PHF6: variants seen among roughly 807,000 people sequenced by gnomAD.
The protein encoded by PHF6 is PHD finger protein 6.
A neutral mutation model predicts 34.0 loss-of-function variants in PHF6; 7 were observed. The observed-to-expected ratio is 0.21, with a 90% confidence interval of 0.12 to 0.39. The LOEUF (loss-of-function observed/expected upper bound fraction) is 0.39, where lower values mean the gene tolerates loss of function less well. Ranked by LOEUF, PHF6 falls within the 10% of genes least tolerant of loss-of-function variation. The pLI is 1.00. For missense variants in PHF6, 128 were observed against 262.8 expected, an observed-to-expected ratio of 0.49 and a Z score of 3.55; for synonymous variants, 89 against 88.4, an observed-to-expected ratio of 1.01 and a Z score of -0.04.
intron 3 of PHF6, among the ~76,000 whole-genome samples, chrX:134,381,172 T>C (rs1234986718): frequency 9.0e-6 from 1 of 111,281 alleles, no homozygotes; most frequent in African/African-American, 3.3e-5. Context: ...AGGGAAGAAC[T>C]TTTGCTCCGT....
intron 5 of PHF6, among the ~76,000 whole-genome samples, chrX:134,409,589 T>G (rs1352305656): frequency 1.8e-5 from 2 of 110,902 alleles, no homozygotes; most frequent in African/African-American, 6.6e-5. Context: ...ATAGTCTATC[T>G]CTCCATTTAG....
At chrX:134,389,189 T>G (rs1018285092) in intron 3 of PHF6, among the ~76,000 whole-genome samples, 1 of 111,299 alleles carries the variant, frequency 9.0e-6, no homozygotes, top group Non-Finnish European at 1.9e-5. Context: ...GAACTTGAAA[T>G]CAGGATACAA....
chrX:134,380,728 A>G (rs1243734080), intron 3 of PHF6, among the ~76,000 whole-genome samples: 1 of 112,287 alleles, frequency 8.9e-6, no homozygotes, highest in Non-Finnish European at 1.9e-5. Flanking sequence ...AAAAGGGGTT[A>G]GATAATGACA....
intron 5 of PHF6, among the ~76,000 whole-genome samples, chrX:134,408,175 G>A (rs1388111467): frequency 1.8e-5 from 2 of 111,996 alleles, no homozygotes; most frequent in Non-Finnish European, 3.8e-5. Context: ...CAATCCACCC[G>A]CCTTGGCCTC....
intron 3 of PHF6, among the ~76,000 whole-genome samples, chrX:134,391,749 A>G (rs1295848600): frequency 8.9e-6 from 1 of 111,780 alleles, no homozygotes; most frequent in African/African-American, 3.3e-5. Context: ...TTCACTAAGC[A>G]TTGTAACACT....
chrX:134,387,247 A>G (rs1399282472), intron 3 of PHF6, among the ~76,000 whole-genome samples: 1 of 111,901 alleles, frequency 8.9e-6, no homozygotes, highest in Non-Finnish European at 1.9e-5. Context: ...GTCTTTGGCT[A>G]TTACTGAATA....
Position 134,399,925 on chromosome X carries a change from C to T in PHF6, c.418+5973C>T, listed in dbSNP as rs772511995. ...ACTGCCCTGAAAATCCCCTGTGCTC[C>T]ACCTTTTCCCTCCCAAACCTCTGGC... On this transcript the variant is annotated intron_variant, in intron 5 of 10. Coordinates refer to ENST00000370803, the MANE Select transcript of PHF6 (RefSeq NM_001015877.2). Among the ~76,000 whole-genome samples, 7 of 111,340 alleles carry T rather than the reference C, an allele frequency of 6.3e-5. No individual in the cohort carries two copies. In the South Asian group the frequency reaches 1.5e-3, roughly 24 times the overall value.
At chrX:134,404,436 C>T in intron 5 of PHF6, among the ~76,000 whole-genome samples, 1 of 111,948 alleles carries the variant, frequency 8.9e-6, no homozygotes, top group Non-Finnish European at 1.9e-5. Flanking sequence ...TATGGATGAA[C>T]AAAGAAAGTA....
chrX:134,410,517 C>T (rs984851126), intron 5 of PHF6, among the ~76,000 whole-genome samples: 1 of 111,653 alleles, frequency 9.0e-6, no homozygotes, highest in African/African-American at 3.3e-5. Flanking sequence ...CTGATTATAT[C>T]CTTGATCTGT....
chrX:134,391,577 C>T (rs1367344524), intron 3 of PHF6, among the ~76,000 whole-genome samples: 3 of 111,089 alleles, frequency 2.7e-5, no homozygotes, highest in African/African-American at 6.5e-5. Flanking sequence ...CAGTTTTGCT[C>T]GCTAATTGAA....
intron 5 of PHF6, among the ~76,000 whole-genome samples, chrX:134,408,787 A>G (rs986086262): frequency 8.9e-6 from 1 of 112,130 alleles, no homozygotes; most frequent in African/African-American, 3.2e-5. Context: ...ATCTTGGCTC[A>G]CTGCAACCTC....
chrX:134,404,291 C>G (rs758434109), intron 5 of PHF6, among the ~76,000 whole-genome samples: 49 of 112,030 alleles, frequency 4.4e-4, no homozygotes, highest in South Asian at 1.1e-3. Context: ...TTGAGAGGTT[C>G]AAGACTTCGG....
At chrX:134,396,820 A>G (rs2077379349) in intron 5 of PHF6, among the ~76,000 whole-genome samples, 1 of 108,072 alleles carries the variant, frequency 9.3e-6, no homozygotes, top group African/African-American at 3.4e-5. Flanking sequence ...CTTTACGATC[A>G]TGGTTTATGA....
At chrX:134,405,240 T>G (rs1480028730) in intron 5 of PHF6, among the ~76,000 whole-genome samples, 1 of 111,551 alleles carries the variant, frequency 9.0e-6, no homozygotes, top group Non-Finnish European at 1.9e-5. Context: ...TCTCATTCTG[T>G]CGCCCAGACT....
intron 3 of PHF6, among the ~76,000 whole-genome samples, chrX:134,378,554 G>A (rs753275589): frequency 9.6e-4 from 108 of 112,312 alleles, no homozygotes; most frequent in African/African-American, 3.3e-3. Context: ...TTTTACTGTA[G>A]TTCAGCTGTA....
Position 134,415,245 on chromosome X carries a change from A to G in PHF6, c.834+125A>G, listed in dbSNP as rs774623696. 219 of 1,100,562 alleles carry G rather than the reference A, an allele frequency of 2.0e-4. No homozygotes were observed. Among genetic ancestry groups the G allele is most frequent in the Middle Eastern group, 3.1e-4 (1 of 3,263 alleles). 90.7% of individuals were successfully genotyped at this position (1,100,562 alleles called of 1,213,427 possible). A position where few individuals can be genotyped will look rare whatever the true frequency, so the allele number is the denominator to read the frequency against. ...TAGTTCGTATGTTAAAGCAAAGTAT[A>G]TATTTGACTTATTTGTAATATAATA... On this transcript the variant is annotated intron_variant, in intron 8 of 10. Transcript: ENST00000370803.
At chrX:134,397,456 C>G (rs887593244) in intron 5 of PHF6, among the ~76,000 whole-genome samples, 1 of 111,819 alleles carries the variant, frequency 8.9e-6, no homozygotes, top group African/African-American at 3.3e-5. Context: ...GGAGACCAGC[C>G]TGGCCAACAT....
At chrX:134,398,425 A>G (rs976279450) in intron 5 of PHF6, among the ~76,000 whole-genome samples, 3 of 111,564 alleles carry the variant, frequency 2.7e-5, no homozygotes, top group Non-Finnish European at 3.8e-5. Context: ...GTAGAGTGGC[A>G]TATGAGGTTG....
At chrX:134,385,756 A>G (rs978147200) in intron 3 of PHF6, among the ~76,000 whole-genome samples, 23 of 111,685 alleles carry the variant, frequency 2.1e-4, no homozygotes, top group Admixed American at 4.7e-4. Context: ...TCCAGAGAGT[A>G]GAGAGCTGTG....
Sources: gnomAD v4.1 joint callset for allele counts (sites outside exome capture counted in the v4.1 genomes callset) on GRCh38, gnomAD v4.1.1 for gene constraint, MANE v1.5 for transcripts, NCBI Gene and HGNC (gene_info 2026-07-23, HGNC 2026-07-21) for gene names.